The following ANK3 variants were observed in gnomAD, a reference collection of about 807,000 sequenced individuals.
ANK3 encodes ankyrin 3.
ANK3 carries 57 observed loss-of-function variants against 370.9 expected under a neutral mutation model. The observed-to-expected ratio is 0.15, with a 90% CI of 0.12 to 0.19. The LOEUF is 0.19. ANK3 is among the 10% of genes least tolerant of loss of function. ANK3 has a pLI of 1.00. For missense variants in ANK3, 4,439 were observed against 5,302.1 expected (o/e 0.84, Z 5.06); for synonymous variants, 1,929 against 1,946.3 (o/e 0.99, Z 0.23).
intron 42 of ANK3, among the ~76,000 whole-genome samples, chr10:60,047,109 A>C (rs1056035299): frequency 6.6e-6 from 1 of 152,106 alleles, no homozygotes; most frequent in Non-Finnish European, 1.5e-5. Flanking sequence ...GCCCGGCCTC[A>C]ATGAGGTTTT....
intron 2 of ANK3, among the ~76,000 whole-genome samples, chr10:60,433,179 C>T (rs2064073547): frequency 6.6e-6 from 1 of 152,034 alleles, no homozygotes; most frequent in African/African-American, 2.4e-5. Context: ...TAAGTAACAC[C>T]AGGCATGGTG....
chr10:60,095,183 T>C (rs2132049873), intron 28 of ANK3, among the ~76,000 whole-genome samples: 1 of 152,358 alleles, frequency 6.6e-6, no homozygotes, highest in Middle Eastern at 3.4e-3. Context: ...AAGGTAGCCA[T>C]AGTTAAACTA....
At chr10:60,571,372 T>G (rs1211645371) in intron 2 of ANK3, among the ~76,000 whole-genome samples, 2 of 152,160 alleles carry the variant, frequency 1.3e-5, no homozygotes, top group African/African-American at 4.8e-5. Context: ...ATAAACAGAT[T>G]ATGAACATTT....
intron 2 of ANK3, among the ~76,000 whole-genome samples, chr10:60,556,221 A>G (rs2077203290): frequency 6.6e-6 from 1 of 152,220 alleles, no homozygotes; most frequent in South Asian, 2.1e-4. Context: ...ATATATCTTA[A>G]ACCTCTGAAT....
At chr10:60,552,667 A>G (rs1219869928) in intron 2 of ANK3, among the ~76,000 whole-genome samples, 1 of 152,202 alleles carries the variant, frequency 6.6e-6, no homozygotes, top group East Asian at 1.9e-4. Context: ...TAAAGTGTAA[A>G]TAACTAAATC....
chr10:60,361,377 A>AG (rs1428486606), intron 1 of ANK3, among the ~76,000 whole-genome samples: 1 of 152,234 alleles, frequency 6.6e-6, no homozygotes, highest in East Asian at 1.9e-4. Flanking sequence ...TTGATACACT[A>AG]GAATTTCAAA....
chr10:60,472,654 T>C (rs183347188), intron 2 of ANK3, among the ~76,000 whole-genome samples: 27 of 152,292 alleles, frequency 1.8e-4, no homozygotes, highest in African/African-American at 6.0e-4. Flanking sequence ...ATAATTCATG[T>C]ATGTCTTAAG....
intron 18 of ANK3, among the ~76,000 whole-genome samples, chr10:60,176,928 C>G (rs895748504): frequency 6.6e-6 from 1 of 152,068 alleles, no homozygotes; most frequent in Non-Finnish European, 1.5e-5. Flanking sequence ...TTCTCCTTTT[C>G]TCTAGGTTTC....
At chr10:60,591,302 AT>A (rs1262522090) in intron 2 of ANK3, among the ~76,000 whole-genome samples, 3 of 95,826 alleles carry the variant, frequency 3.1e-5, no homozygotes, top group African/African-American at 3.9e-5. Context: ...TTTTATTTTT[AT>A]TTTATTTATT....
chr10:60,116,454 A>G (rs189214310), intron 25 of ANK3, among the ~76,000 whole-genome samples: 1 of 152,214 alleles, frequency 6.6e-6, no homozygotes, highest in East Asian at 1.9e-4. Flanking sequence ...TCCAGTATAA[A>G]AACAAAACAA....
chr10:60,328,595 G>A (rs2050446197), intron 1 of ANK3, among the ~76,000 whole-genome samples: 1 of 152,106 alleles, frequency 6.6e-6, no homozygotes, highest in South Asian at 2.1e-4. Context: ...CCAGGAAGAA[G>A]TCCAATCCCT....
rs182730699 is a variant in ANK3, at chr10:60,652,048, T to C, written c.58-36824A>G. Reference sequence around the variant, plus strand: ...TTTTTCTGGAAGAACTGGTATCATCTTAGTGAGTTCAAAGACTATACTAAT... The same window carrying C: ...TTTTTCTGGAAGAACTGGTATCATCCTAGTGAGTTCAAAGACTATACTAAT... On this transcript the variant is annotated intron_variant, in intron 1 of 43. Transcript: ENST00000373827. 3.3e-5 allele frequency among the ~76,000 whole-genome samples: 5 copies of C among 152,296 alleles called. No homozygotes were observed. The East Asian group carries it at 7.7e-4, about 24-fold the overall frequency.
chr10:60,292,764 G>A (rs1374507633), intron 1 of ANK3, among the ~76,000 whole-genome samples: 2 of 148,304 alleles, frequency 1.3e-5, no homozygotes, highest in Non-Finnish European at 3.0e-5. Context: ...CCAGAATGCA[G>A]TTGTGCAATC....
intron 2 of ANK3, among the ~76,000 whole-genome samples, chr10:60,596,198 A>C (rs1237612832): frequency 6.6e-6 from 1 of 152,144 alleles, no homozygotes; most frequent in Non-Finnish European, 1.5e-5. Flanking sequence ...GCACATGTGA[A>C]TTTGTTCTAC....
intron 2 of ANK3, among the ~76,000 whole-genome samples, chr10:60,409,096 TC>T (rs1181218772): frequency 6.6e-6 from 1 of 152,218 alleles, no homozygotes; most frequent in Non-Finnish European, 1.5e-5. Flanking sequence ...AGTTCAAATT[TC>T]TTTTTCCTAA....
At chr10:60,685,147 T>A in intron 1 of ANK3, 1 of 699,086 alleles carries the variant, frequency 1.4e-6, no homozygotes, top group Non-Finnish European at 2.3e-6. Flanking sequence ...TGGAAAAGTG[T>A]CTACAGCCTG....
intron 2 of ANK3, among the ~76,000 whole-genome samples, chr10:60,475,281 C>G (rs1283116209): frequency 6.7e-6 from 1 of 149,432 alleles, no homozygotes; most frequent in South Asian, 2.1e-4. Context: ...AAATACACGT[C>G]AACTATGACA....
At chr10:60,301,287 T>TAC (rs2043703606) in intron 1 of ANK3, among the ~76,000 whole-genome samples, 2 of 148,240 alleles carry the variant, frequency 1.3e-5, no homozygotes, top group South Asian at 2.1e-4. Context: ...CACGCACACA[T>TAC]ATACACACAC....
At chr10:60,400,009 A>AGTGT (rs60224309) in intron 2 of ANK3, among the ~76,000 whole-genome samples, 1,860 of 145,942 alleles carry the variant, frequency 0.013, 12 homozygotes, top group African/African-American at 0.021. Flanking sequence ...CCTCCAATAC[A>AGTGT]GTGTGTGTGT....
Sources: allele counts gnomAD v4.1 joint callset (sites outside exome capture counted in the v4.1 genomes callset), GRCh38; gene constraint gnomAD v4.1.1; transcripts MANE v1.5; gene names NCBI Gene and HGNC (gene_info 2026-07-23, HGNC 2026-07-21).